Variants in VRK2 observed in about 807,000 individuals in gnomAD.
VRK2 encodes the protein serine/threonine-protein kinase VRK2.
A neutral mutation model predicts 57.6 loss-of-function variants in VRK2; 60 were observed. The observed-to-expected ratio is 1.04, with a 90% CI of 0.85 to 1.29. The LOEUF (loss-of-function observed/expected upper bound fraction) is 1.29, where lower values mean the gene tolerates loss of function less well. VRK2 is among the 50% of genes most tolerant of loss of function. The pLI is 0.00. For synonymous variants in VRK2, 231 were observed against 199.2 expected (o/e 1.16, Z -1.35); for missense variants, 705 against 588.1 (o/e 1.20, Z -2.06).
intron 11 of VRK2, among the ~76,000 whole-genome samples, chr2:58,141,619 A>G (rs1681351283): frequency 6.6e-6 from 1 of 152,008 alleles, no homozygotes; most frequent in Non-Finnish European, 1.5e-5. Context: ...CAGCAGATCA[A>G]TATTTATTTA....
At chr2:57,940,922 G>T (rs1671074577) in intron 1 of VRK2, among the ~76,000 whole-genome samples, 1 of 150,998 alleles carries the variant, frequency 6.6e-6, no homozygotes, top group African/African-American at 2.4e-5. Flanking sequence ...TTACCACTAT[G>T]AAAGTCATCA....
intron 1 of VRK2, among the ~76,000 whole-genome samples, chr2:57,994,546 C>A (rs925982587): frequency 6.6e-6 from 1 of 152,050 alleles, no homozygotes; most frequent in Non-Finnish European, 1.5e-5. Flanking sequence ...TCTGAAAGAT[C>A]GAGAAACAAA....
intron 7 of VRK2, among the ~76,000 whole-genome samples, chr2:58,095,091 A>T (rs2118899): frequency 2.6e-5 from 4 of 151,820 alleles, no homozygotes; most frequent in Admixed American, 6.6e-5. Context: ...GTCAGGAGAT[A>T]GAGACCATCC....
chr2:58,128,338 A>AT (rs1030763941), intron 8 of VRK2, among the ~76,000 whole-genome samples: 16 of 151,206 alleles, frequency 1.1e-4, no homozygotes, highest in Middle Eastern at 3.4e-3. Context: ...AGTAATTATT[A>AT]TTTTTTTTTC....
At chr2:57,933,412 A>G (rs1390072688) in intron 1 of VRK2, among the ~76,000 whole-genome samples, 1 of 139,294 alleles carries the variant, frequency 7.2e-6, no homozygotes, top group Admixed American at 7.8e-5. Flanking sequence ...TCCCAGGTTC[A>G]AGCGATTCTT....
Position 57,982,476 on chromosome 2 carries a change from C to T in VRK2, c.-438-43189C>T, listed in dbSNP as rs189070274. ...CACACCAGCAGGGGAAGGCTGCAGG[C>T]AGGTGCTTGCCAGTGGGGGAAGGCT... On this transcript the variant is annotated intron_variant, in intron 1 of 15. Coordinates refer to the VRK2 transcript ENST00000417641. Among the ~76,000 whole-genome samples the T allele has an allele frequency of 3.3e-5, 5 of 152,270 alleles. No homozygotes were observed. In the East Asian group the frequency reaches 9.6e-4, roughly 29 times the overall value.
chr2:58,025,995 T>G (rs1263003924), intron 2 of VRK2, among the ~76,000 whole-genome samples: 2 of 152,192 alleles, frequency 1.3e-5, no homozygotes, highest in Admixed American at 6.5e-5. Context: ...TGACTACTCC[T>G]TATGCATTAA....
rs1671928133 is a variant in VRK2, at chr2:58,088,390, T to G, written c.394T>G (p.Ser132Ala). The stretch of plus-strand genomic sequence containing the variant: ...ACTAGGAATAGATTTACAGAAGATC[T>G]CAGGCCAGAATGGTACCTTTAAAAA... ...ERLGIDLQKI[S>A]GQNGTFKKST... is the part of the protein sequence containing the mutation. Residue 132 changes from serine (S) to alanine (A), a missense_variant, in exon 6 of 13, where the codon TCA becomes GCA. Ser to Ala is a moderately conservative substitution (Grantham distance 99, BLOSUM62 1). Coordinates refer to ENST00000340157, the MANE Select transcript of VRK2 (RefSeq NM_006296.7). The G allele has an allele frequency of 6.2e-7, 1 of 1,613,352 alleles. No homozygotes were observed. Among genetic ancestry groups the G allele is most frequent in the South Asian group, 1.1e-5 (1 of 90,954 alleles).
At chr2:58,003,372 T>C (rs923780542) in intron 1 of VRK2, among the ~76,000 whole-genome samples, 1 of 152,138 alleles carries the variant, frequency 6.6e-6, no homozygotes, top group Non-Finnish European at 1.5e-5. Flanking sequence ...CATTTTTTTG[T>C]TTTTAAAACA....
intron 2 of VRK2, among the ~76,000 whole-genome samples, chr2:58,063,260 CAT>C (rs1491412829): frequency 1.3e-4 from 17 of 127,312 alleles, no homozygotes; most frequent in Admixed American, 3.4e-4. Context: ...TTTTTTTTAA[CAT>C]ATGAGTGAGA....
At chr2:57,979,909 T>G (rs1558523733) in intron 1 of VRK2, among the ~76,000 whole-genome samples, 1 of 152,182 alleles carries the variant, frequency 6.6e-6, no homozygotes, top group African/African-American at 2.4e-5. Context: ...TCTGATTATG[T>G]TTATTTGGAT....
At chr2:58,027,667 A>G (rs992162596) in intron 2 of VRK2, among the ~76,000 whole-genome samples, 1 of 152,204 alleles carries the variant, frequency 6.6e-6, no homozygotes, top group African/African-American at 2.4e-5. Context: ...GAGTCAACGT[A>G]TGTAACTATT....
At chr2:58,018,739 AT>A (rs567425662) in intron 1 of VRK2, among the ~76,000 whole-genome samples, 1 of 151,816 alleles carries the variant, frequency 6.6e-6, no homozygotes, top group Non-Finnish European at 1.5e-5. Context: ...CAAAACTCTG[AT>A]TTTTTTTCTT....
chr2:58,137,214 A>AT (rs1558687187), intron 10 of VRK2, among the ~76,000 whole-genome samples: 1 of 52,646 alleles, frequency 1.9e-5, no homozygotes, highest in African/African-American at 1.4e-4. Flanking sequence ...CATATATGAT[A>AT]CATATATATC....
chr2:58,130,501 C>T (rs1379919998), intron 8 of VRK2, among the ~76,000 whole-genome samples: 1 of 152,144 alleles, frequency 6.6e-6, no homozygotes, highest in African/African-American at 2.4e-5. Context: ...GATTGAAGGG[C>T]CTTTAATAAT....
intron 7 of VRK2, among the ~76,000 whole-genome samples, chr2:58,117,312 G>A (rs1206278756): frequency 6.6e-6 from 1 of 152,086 alleles, no homozygotes; most frequent in Admixed American, 6.6e-5. Flanking sequence ...ACCTTTTTAA[G>A]AGTAAATTGC....
intron 12 of VRK2, among the ~76,000 whole-genome samples, chr2:58,158,669 G>A (rs886432301): frequency 6.6e-6 from 1 of 152,200 alleles, no homozygotes; most frequent in Non-Finnish European, 1.5e-5. Flanking sequence ...AGCCAGTTAA[G>A]TGGTGATCAG....
intron 1 of VRK2, among the ~76,000 whole-genome samples, chr2:58,022,761 G>C (rs779692617): frequency 2.0e-5 from 3 of 152,144 alleles, no homozygotes; most frequent in East Asian, 1.9e-4. Context: ...TGTAGTCCCA[G>C]CTACTCAGGA....
intron 1 of VRK2, among the ~76,000 whole-genome samples, chr2:57,997,108 G>A (rs988641593): frequency 1.3e-5 from 2 of 151,986 alleles, no homozygotes; most frequent in African/African-American, 4.8e-5. Context: ...ATTCAGTAAG[G>A]CATGATTTTG....
Sources: gnomAD v4.1 joint callset for allele counts (sites outside exome capture counted in the v4.1 genomes callset) on GRCh38, gnomAD v4.1.1 for gene constraint, MANE v1.5 for transcripts, NCBI Gene and HGNC (gene_info 2026-07-23, HGNC 2026-07-21) for gene names.